FBXW7: variants seen among roughly 807,000 people sequenced by gnomAD.
The protein encoded by FBXW7 is F-box/WD repeat-containing protein 7.
Under a neutral mutation model 86.3 loss-of-function variants are expected in FBXW7, and 11 were observed. The observed-to-expected ratio is 0.13, with a 90% CI of 0.08 to 0.21. The LOEUF is 0.21. Ranked by LOEUF, FBXW7 falls within the 10% of genes least tolerant of loss-of-function variation. The probability of loss-of-function intolerance (pLI) is 1.00; values close to 1 mark genes in which losing one functional copy is unlikely to be tolerated. For synonymous variants in FBXW7, 313 were observed against 297.9 expected, an observed-to-expected ratio of 1.05 and a Z score of -0.52; for missense variants, 488 against 847.4, an observed-to-expected ratio of 0.58 and a Z score of 5.27.
At chr4:152,533,706 A>G (rs1750210533) in intron 2 of FBXW7, among the ~76,000 whole-genome samples, 1 of 152,246 alleles carries the variant, frequency 6.6e-6, no homozygotes, top group Non-Finnish European at 1.5e-5. Context: ...GTGTCCTGAA[A>G]GTTTAGGGAC....
intron 2 of FBXW7, among the ~76,000 whole-genome samples, chr4:152,459,975 A>C (rs1742791969): frequency 6.6e-6 from 1 of 152,220 alleles, no homozygotes; most frequent in Non-Finnish European, 1.5e-5. Context: ...AGACACTGCC[A>C]GAGACTCGGG....
intron 2 of FBXW7, among the ~76,000 whole-genome samples, chr4:152,446,629 A>G (rs1006387729): frequency 3.3e-5 from 5 of 152,250 alleles, no homozygotes; most frequent in African/African-American, 1.2e-4. Flanking sequence ...CACTGAGGCT[A>G]GAACTTCACG....
chr4:152,421,254 C>T (rs1422840612), intron 2 of FBXW7, among the ~76,000 whole-genome samples: 6 of 152,116 alleles, frequency 3.9e-5, no homozygotes, highest in African/African-American at 7.2e-5. Context: ...GAAGTAAGTT[C>T]GGGCCTTGCT....
At chr4:152,335,449 C>A (rs1247985205) in intron 7 of FBXW7, among the ~76,000 whole-genome samples, 2 of 152,128 alleles carry the variant, frequency 1.3e-5, no homozygotes, top group African/African-American at 2.4e-5. Flanking sequence ...GCCTGGGCAA[C>A]AGAGTGAGAC....
intron 4 of FBXW7, among the ~76,000 whole-genome samples, chr4:152,370,325 C>G (rs998554293): frequency 1.3e-5 from 2 of 151,886 alleles, no homozygotes; most frequent in African/African-American, 4.8e-5. Flanking sequence ...CTCAAATCCT[C>G]AAAACAGATT....
At chr4:152,474,339 G>T (rs959837303) in intron 2 of FBXW7, among the ~76,000 whole-genome samples, 1 of 152,182 alleles carries the variant, frequency 6.6e-6, no homozygotes, top group African/African-American at 2.4e-5. Flanking sequence ...AGCATGTTTA[G>T]ATAGTGTTCG....
intron 11 of FBXW7, among the ~76,000 whole-genome samples, chr4:152,327,791 T>A (rs1729179728): frequency 1.3e-5 from 2 of 151,866 alleles, no homozygotes; most frequent in Non-Finnish European, 2.9e-5. Context: ...TGCCTAGACT[T>A]AGAGATAGGG....
intron 2 of FBXW7, among the ~76,000 whole-genome samples, chr4:152,515,356 G>A (rs1748384380): frequency 6.6e-6 from 1 of 152,144 alleles, no homozygotes; most frequent in East Asian, 1.9e-4. Flanking sequence ...AACTGTGAAG[G>A]GGCATGAGGA....
intron 4 of FBXW7, among the ~76,000 whole-genome samples, chr4:152,374,223 C>T (rs1020701647): frequency 4.6e-5 from 7 of 152,140 alleles, no homozygotes; most frequent in African/African-American, 1.7e-4. Context: ...TAAATTTGCT[C>T]ATACCACCAC....
intron 2 of FBXW7, among the ~76,000 whole-genome samples, chr4:152,528,383 CTGTT>C (rs1749717056): frequency 6.6e-6 from 1 of 152,182 alleles, no homozygotes; most frequent in East Asian, 1.9e-4. Flanking sequence ...TTGTGCATTT[CTGTT>C]TGTTTCTGAT....
intron 2 of FBXW7, among the ~76,000 whole-genome samples, chr4:152,438,484 C>T (rs1740590136): frequency 6.6e-6 from 1 of 152,080 alleles, no homozygotes; most frequent in Non-Finnish European, 1.5e-5. Flanking sequence ...TCGAGACCAA[C>T]TTGGCCAACA....
chr4:152,430,438 C>G (rs990739252), intron 2 of FBXW7, among the ~76,000 whole-genome samples: 8 of 151,376 alleles, frequency 5.3e-5, no homozygotes, highest in African/African-American at 1.9e-4. Context: ...ATATTGTTTA[C>G]TGATTTATCC....
At chr4:152,364,768 T>C (rs1440479103) in intron 4 of FBXW7, among the ~76,000 whole-genome samples, 1 of 152,176 alleles carries the variant, frequency 6.6e-6, no homozygotes, top group Non-Finnish European at 1.5e-5. Flanking sequence ...TTATCATTCC[T>C]AACAGTGAAC....
chr4:152,399,720 GAAATA>G (rs1736741999), intron 4 of FBXW7, among the ~76,000 whole-genome samples: 1 of 152,052 alleles, frequency 6.6e-6, no homozygotes, highest in African/African-American at 2.4e-5. Flanking sequence ...GCAGCCCCCT[GAAATA>G]AAATATTTAG....
chr4:152,384,502 T>G (rs1472897792), intron 4 of FBXW7, among the ~76,000 whole-genome samples: 1 of 151,986 alleles, frequency 6.6e-6, no homozygotes, highest in Non-Finnish European at 1.5e-5. Context: ...AACAGAATCA[T>G]GGTTGTCTGA....
At chr4:152,502,551 AT>A (rs558206654) in intron 2 of FBXW7, among the ~76,000 whole-genome samples, 50 of 151,964 alleles carry the variant, frequency 3.3e-4, no homozygotes, top group African/African-American at 6.7e-4. Flanking sequence ...AATACTTTTT[AT>A]TTTTTTTAAT....
chr4:152,479,776 T>C (rs527445759), intron 2 of FBXW7, among the ~76,000 whole-genome samples: 26 of 152,284 alleles, frequency 1.7e-4, no homozygotes, highest in Non-Finnish European at 2.2e-4. Context: ...TGGCAATCTA[T>C]AGATCTATTG....
At chr4:152,444,475 T>C (rs1266588819) in intron 2 of FBXW7, among the ~76,000 whole-genome samples, 2 of 152,188 alleles carry the variant, frequency 1.3e-5, no homozygotes, top group Non-Finnish European at 2.9e-5. Context: ...TTCCTAGAAG[T>C]AGGTTTTCTG....
At chr4:152,504,687 T>G (rs1339189249) in intron 2 of FBXW7, among the ~76,000 whole-genome samples, 1 of 152,208 alleles carries the variant, frequency 6.6e-6, no homozygotes. Context: ...TGAATCTACT[T>G]TTCCAACCAT....
Sources: gnomAD v4.1 joint callset for allele counts (sites outside exome capture counted in the v4.1 genomes callset) on GRCh38, gnomAD v4.1.1 for gene constraint, MANE v1.5 for transcripts, NCBI Gene and HGNC (gene_info 2026-07-23, HGNC 2026-07-21) for gene names.